MYOZ2: variants seen among roughly 807,000 people sequenced by gnomAD.
MYOZ2 encodes the protein myozenin-2.
In MYOZ2, 19 loss-of-function variants were observed where a neutral mutation model predicts 25.4. That is an observed-to-expected ratio of 0.75 (90% CI 0.52 to 1.10). The LOEUF (loss-of-function observed/expected upper bound fraction) is 1.10, where lower values mean the gene tolerates loss of function less well. Among genes scored for constraint, MYOZ2 ranks in the 50% least tolerant of loss-of-function variants. The pLI, the probability that MYOZ2 is intolerant of heterozygous loss-of-function variation, is 0.00. For missense variants in MYOZ2, 270 were observed against 317.9 expected, an observed-to-expected ratio of 0.85 and a Z score of 1.15; for synonymous variants, 92 against 106.9, an observed-to-expected ratio of 0.86 and a Z score of 0.86.
chr4:119,163,096 A>G (rs1196294756), intron 4 of MYOZ2, among the ~76,000 whole-genome samples: 3 of 152,208 alleles, frequency 2.0e-5, no homozygotes, highest in Non-Finnish European at 2.9e-5. Context: ...GAGGAACAAC[A>G]GTATTTAAGT....
chr4:119,145,326 T>C (rs1741259270), intron 2 of MYOZ2, among the ~76,000 whole-genome samples: 1 of 146,042 alleles, frequency 6.8e-6, no homozygotes, highest in Non-Finnish European at 1.5e-5. Flanking sequence ...ATTTTTTCTG[T>C]GTGCGTGTGT....
chr4:119,176,641 A>G (rs1478518858), intron 5 of MYOZ2, among the ~76,000 whole-genome samples: 1 of 152,222 alleles, frequency 6.6e-6, no homozygotes, highest in Non-Finnish European at 1.5e-5. Context: ...AAGACTCCTC[A>G]GTCACTAAAC....
intron 4 of MYOZ2, among the ~76,000 whole-genome samples, chr4:119,159,132 AT>A (rs1183317308): frequency 6.6e-6 from 1 of 152,142 alleles, no homozygotes; most frequent in East Asian, 1.9e-4. Flanking sequence ...TTAAATTAAA[AT>A]TACAAGAGAA....
intron 5 of MYOZ2, among the ~76,000 whole-genome samples, chr4:119,176,449 C>T (rs1242731377): frequency 6.6e-6 from 1 of 152,142 alleles, no homozygotes. Context: ...TCTTGAGCTC[C>T]CTACCTTGGG....
chr4:119,164,426 C>T (rs751133925), intron 5 of MYOZ2, 32 bp downstream of exon 5: 1 of 1,609,016 alleles, frequency 6.2e-7, no homozygotes, highest in Admixed American at 1.7e-5. Flanking sequence ...ACACTGTTGG[C>T]ATGCAATACC....
chr4:119,148,037 C>A (rs1185386364), intron 2 of MYOZ2, among the ~76,000 whole-genome samples: 1 of 152,100 alleles, frequency 6.6e-6, no homozygotes, highest in Admixed American at 6.5e-5. Flanking sequence ...GGCTTTCAGG[C>A]AACAAATTCT....
chr4:119,174,810 G>A (rs1377917083), intron 5 of MYOZ2, among the ~76,000 whole-genome samples: 4 of 152,080 alleles, frequency 2.6e-5, no homozygotes, highest in East Asian at 1.9e-4. Context: ...TCTTGCTACT[G>A]CTCACTTTTT....
At chr4:119,142,843 A>G (rs761638559) in intron 2 of MYOZ2, among the ~76,000 whole-genome samples, 1 of 152,222 alleles carries the variant, frequency 6.6e-6, no homozygotes, top group Non-Finnish European at 1.5e-5. Flanking sequence ...TTCCTCTATT[A>G]TTAGCATCTT....
At chr4:119,177,126 T>G (rs1392847289) in intron 5 of MYOZ2, among the ~76,000 whole-genome samples, 3 of 152,236 alleles carry the variant, frequency 2.0e-5, no homozygotes, top group African/African-American at 7.2e-5. Flanking sequence ...AATGACGCCA[T>G]TTTTTAAAGT....
chr4:119,165,247 T>C lies in MYOZ2; in HGVS notation c.560+853T>C, dbSNP rs962590164. ...TTAAGTGATCGGATGTGGTGGCTCA[T>C]GCCTGTCATCCCAGCACTTTGGGAG... is the stretch of plus-strand genomic sequence containing the variant. On this transcript the variant is annotated intron_variant, in intron 5 of 5. Coordinates refer to ENST00000307128, the MANE Select transcript of MYOZ2 (RefSeq NM_016599.5). Among the ~76,000 whole-genome samples the C allele has an allele frequency of 1.1e-4, 16 of 151,974 alleles. No individual in the cohort carries two copies. The East Asian group carries it at 3.1e-3, about 29-fold the overall frequency.
In MYOZ2 at chr4:119,182,196, C is replaced by A. The variant is rs767089789; in HGVS notation, c.561-3770C>A. ...AACAAAATGTGACACAGTTCACCTG[C>A]AGTTCTCACTGGCTATGGTAACTAT... is the stretch of plus-strand genomic sequence containing the variant. On this transcript the variant is annotated intron_variant, in intron 5 of 5. Coordinates refer to ENST00000307128, the MANE Select transcript of MYOZ2 (RefSeq NM_016599.5). Among the ~76,000 whole-genome samples the A allele has an allele frequency of 2.0e-5, 3 of 152,214 alleles. No homozygotes were observed. The East Asian group carries it at 5.8e-4, about 29-fold the overall frequency.
chr4:119,156,470 A>G (rs1292160048), intron 3 of MYOZ2, among the ~76,000 whole-genome samples: 1 of 152,150 alleles, frequency 6.6e-6, no homozygotes, highest in Non-Finnish European at 1.5e-5. Context: ...AAGTGTGAAC[A>G]TGATGATGAG....
chr4:119,179,623 T>A (rs914049126), intron 5 of MYOZ2, among the ~76,000 whole-genome samples: 1 of 152,114 alleles, frequency 6.6e-6, no homozygotes, highest in Non-Finnish European at 1.5e-5. Context: ...AACATTATGA[T>A]CTTAGTGTTT....
chr4:119,185,380 T>C (rs1279712047), intron 5 of MYOZ2, among the ~76,000 whole-genome samples: 1 of 152,034 alleles, frequency 6.6e-6, no homozygotes, highest in Admixed American at 6.5e-5. Context: ...AGTGGCATGA[T>C]CTTGGTTCAC....
At chr4:119,155,234 A>C (rs1313912914) in intron 3 of MYOZ2, among the ~76,000 whole-genome samples, 3 of 152,134 alleles carry the variant, frequency 2.0e-5, no homozygotes, top group Non-Finnish European at 4.4e-5. Context: ...TTAGGCCCCA[A>C]CTCCAACACT....
intron 5 of MYOZ2, among the ~76,000 whole-genome samples, chr4:119,180,775 C>T (rs1186516211): frequency 1.3e-5 from 2 of 152,114 alleles, no homozygotes; most frequent in Admixed American, 6.5e-5. Context: ...AGGCTGGTTT[C>T]GAACTGCTGA....
intron 5 of MYOZ2, among the ~76,000 whole-genome samples, chr4:119,173,585 T>C (rs1578743502): frequency 6.6e-6 from 1 of 152,172 alleles, no homozygotes; most frequent in East Asian, 1.9e-4. Flanking sequence ...AGCTCTTCAT[T>C]GTATCTGTGG....
chr4:119,155,824 A>G (rs1238748745), intron 3 of MYOZ2, among the ~76,000 whole-genome samples: 1 of 152,190 alleles, frequency 6.6e-6, no homozygotes, highest in Non-Finnish European at 1.5e-5. Flanking sequence ...AGATGATGAC[A>G]TGATAAAGTA....
intron 5 of MYOZ2, among the ~76,000 whole-genome samples, chr4:119,185,117 C>T (rs1341216000): frequency 6.6e-6 from 1 of 151,648 alleles, no homozygotes; most frequent in Non-Finnish European, 1.5e-5. Context: ...TTCCCCTCCC[C>T]TCCCCTTCCC....
Sources: allele counts gnomAD v4.1 joint callset (sites outside exome capture counted in the v4.1 genomes callset), GRCh38; gene constraint gnomAD v4.1.1; transcripts MANE v1.5; gene names NCBI Gene and HGNC (gene_info 2026-07-23, HGNC 2026-07-21).